The following PEDS1 variants were observed in gnomAD, a reference collection of about 807,000 sequenced individuals.
The protein encoded by PEDS1 is plasmanylethanolamine desaturase 1.
In PEDS1, 14 loss-of-function variants were observed where a neutral mutation model predicts 35.2. The ratio of observed to expected loss-of-function variants is 0.40; its 90% CI spans 0.26 to 0.62. PEDS1 has a LOEUF of 0.62. Among genes scored for constraint, PEDS1 ranks in the 20% least tolerant of loss-of-function variants. PEDS1 has a pLI of 0.44. For missense variants in PEDS1, 260 were observed against 367.8 expected, an observed-to-expected ratio of 0.71 and a Z score of 2.40; for synonymous variants, 152 against 152.0, an observed-to-expected ratio of 1.00 and a Z score of 0.00.
chr20:50,134,667 C>T (rs1601217266), intron 2 of PEDS1, among the ~76,000 whole-genome samples: 1 of 152,216 alleles, frequency 6.6e-6, no homozygotes. Flanking sequence ...CCTTGTTCCC[C>T]GAGTTCTGGG....
rs2081085067 is a variant in PEDS1 at position 50,125,067 on chromosome 20, C to T, written c.804G>A (p.Lys268=). The T allele has an allele frequency of 6.2e-7, 1 of 1,613,964 alleles. No individual in the cohort carries two copies. The highest frequency in any genetic ancestry group is 8.5e-7 in the Non-Finnish European group (1 of 1,179,884). The change falls in exon 6 of 6, where the codon AAG becomes AAA. Residue 268 remains lysine (K), a synonymous_variant. Coordinates refer to ENST00000371652, the MANE Select transcript of PEDS1 (RefSeq NM_199129.4). ...PRADDMKWAQ[K]IK The stretch of plus-strand genomic sequence containing the variant: ...AGCAGGCTCGGAGAAGTTATTTGAT[C>T]TTCTGGGCCCATTTCATGTCATCTG...
chr20:50,137,756 A>G (rs1369615332), intron 2 of PEDS1, among the ~76,000 whole-genome samples: 2 of 152,212 alleles, frequency 1.3e-5, no homozygotes, highest in Non-Finnish European at 2.9e-5. Flanking sequence ...TTGTAGTCCC[A>G]GCTACTCGGG....
At chr20:50,152,228 G>C (rs956794330) in intron 1 of PEDS1, among the ~76,000 whole-genome samples, 5 of 152,210 alleles carry the variant, frequency 3.3e-5, no homozygotes, top group African/African-American at 1.2e-4. Context: ...GTGAGGAAAT[G>C]CAAATGGTCC....
Position 50,130,142 on chromosome 20 carries a change from T to C in PEDS1, c.334-452A>G, listed in dbSNP as rs549232606. Among the ~76,000 whole-genome samples, 6 of 152,312 alleles carry C rather than the reference T, an allele frequency of 3.9e-5. No homozygotes were observed. In the South Asian group the frequency reaches 1.2e-3, roughly 32 times the overall value. ...CTGAGAAAGAACACGTGACCAGGCC[T>C]GGCCAATCATAGCATCTCCTCCCTC... On this transcript the variant is annotated intron_variant, in intron 3 of 5. Coordinates refer to ENST00000371652, the MANE Select transcript of PEDS1 (RefSeq NM_199129.4).
chr20:50,137,632 G>A (rs2081250342), intron 2 of PEDS1, among the ~76,000 whole-genome samples: 1 of 152,186 alleles, frequency 6.6e-6, no homozygotes, highest in Admixed American at 6.5e-5. Flanking sequence ...CAGCACTTTA[G>A]AAGGCCGAGG....
intron 2 of PEDS1, chr20:50,131,282 G>A (rs371859168): frequency 2.0e-5 from 12 of 603,148 alleles, no homozygotes; most frequent in African/African-American, 1.8e-4. Context: ...CTGCACCAGT[G>A]CTGCCTGGAA....
rs2147297959 is a variant in PEDS1, at chr20:50,143,550, G to A, written c.193C>T (p.Leu65=). 3.1e-6 allele frequency: 5 copies of A among 1,613,818 alleles called. No homozygotes were observed. The highest frequency in any genetic ancestry group is 4.2e-6 in the Non-Finnish European group (5 of 1,179,930). The change falls in exon 2 of 6, where the codon CTG becomes TTG. Residue 65 remains leucine (L), a synonymous_variant. Transcript: ENST00000371652. ...GTGTCCTCCCAGCGGGCCAGCAGCA[G>A]GAGATGGACCAGGTTGTGGGCGATG... ...SLIAHNLVHL[L]LLARWEDTPL...
At position 50,153,611 on chromosome 20, in the gene PEDS1, G is replaced by A. The variant is rs1490688999; in HGVS notation, c.27C>T (p.Gly9=). Residue 9 remains glycine, a synonymous_variant, in exon 1 of 6, where the codon GGC becomes GGT. Coordinates refer to ENST00000371652, the MANE Select transcript of PEDS1 (RefSeq NM_199129.4). ...CGTCCTCGTCCAGCTCCAGCTGCTG[G>A]CCCGGCCAGTTCTCGGCGCCCGCCA... MAGAENWP[G]QQLELDEDEA... is the part of the protein sequence containing the mutation. The A allele has an allele frequency of 7.5e-7, 1 of 1,331,914 alleles. No individual in the cohort carries two copies. 82.5% of individuals were successfully genotyped at this position (1,331,914 alleles called of 1,614,324 possible). A position where few individuals can be genotyped will look rare whatever the true frequency, so the allele number is the denominator to read the frequency against.
intron 2 of PEDS1, among the ~76,000 whole-genome samples, chr20:50,140,601 C>A (rs1445202023): frequency 6.6e-6 from 1 of 152,114 alleles, no homozygotes; most frequent in Non-Finnish European, 1.5e-5. Flanking sequence ...CACGGCCCCT[C>A]CCTCACCTCC....
intron 1 of PEDS1, among the ~76,000 whole-genome samples, chr20:50,145,449 C>A (rs1042546705): frequency 1.2e-4 from 18 of 152,068 alleles, no homozygotes; most frequent in African/African-American, 4.3e-4. Flanking sequence ...AATCCCAGCA[C>A]CTTGGGAGGC....
chr20:50,145,703 A>C (rs1032961927), intron 1 of PEDS1, among the ~76,000 whole-genome samples: 5 of 152,174 alleles, frequency 3.3e-5, no homozygotes, highest in African/African-American at 1.2e-4. Flanking sequence ...AGAAAAAAAA[A>C]AATTAAAGGA....
chr20:50,134,261 C>T (rs188529995), intron 2 of PEDS1, among the ~76,000 whole-genome samples: 3 of 152,190 alleles, frequency 2.0e-5, no homozygotes, highest in Admixed American at 1.3e-4. Context: ...GAGCACAGTG[C>T]AGAGCTGCAG....
chr20:50,131,094 T>G (rs1569043074), intron 2 of PEDS1, 147 bp from the exon 3 acceptor site: 1 of 1,549,604 alleles, frequency 6.5e-7, no homozygotes, highest in East Asian at 2.4e-5. Context: ...TCCCTGAAGA[T>G]GGAGCCTCAG....
intron 2 of PEDS1, among the ~76,000 whole-genome samples, chr20:50,131,621 CAA>C (rs926700222): frequency 1.5e-5 from 2 of 133,044 alleles, no homozygotes; most frequent in Non-Finnish European, 1.6e-5. Flanking sequence ...GACTCCGTCT[CAA>C]AAAAAAAAAA....
intron 2 of PEDS1, among the ~76,000 whole-genome samples, chr20:50,135,140 G>A (rs2081220566): frequency 6.6e-6 from 1 of 152,064 alleles, no homozygotes; most frequent in Admixed American, 6.5e-5. Context: ...AGCAGAGCTC[G>A]TGCCACTGCA....
intron 1 of PEDS1, among the ~76,000 whole-genome samples, chr20:50,150,175 A>C (rs1038831096): frequency 1.3e-5 from 2 of 152,000 alleles, no homozygotes; most frequent in African/African-American, 4.8e-5. Context: ...ACACGGTTGT[A>C]GTGGGGATGC....
At chr20:50,132,027 A>T (rs2147277893) in intron 2 of PEDS1, among the ~76,000 whole-genome samples, 1 of 152,216 alleles carries the variant, frequency 6.6e-6, no homozygotes, top group Non-Finnish European at 1.5e-5. Context: ...AACATGGTGA[A>T]ACCCCATCTG....
chr20:50,153,215 G>C (rs2147314971), intron 1 of PEDS1, among the ~76,000 whole-genome samples: 1 of 152,142 alleles, frequency 6.6e-6, no homozygotes, highest in East Asian at 1.9e-4. Context: ...TCACAACCGA[G>C]AATGCCCCGG....
At chr20:50,130,120 A>G (rs1297389395) in intron 3 of PEDS1, among the ~76,000 whole-genome samples, 1 of 152,140 alleles carries the variant, frequency 6.6e-6, no homozygotes, top group Non-Finnish European at 1.5e-5. Context: ...CCCCGGGCTG[A>G]GAAAGAACAC....
Sources: allele counts gnomAD v4.1 joint callset (sites outside exome capture counted in the v4.1 genomes callset), GRCh38; gene constraint gnomAD v4.1.1; transcripts MANE v1.5; gene names NCBI Gene and HGNC (gene_info 2026-07-23, HGNC 2026-07-21).